MFSD8: variants seen among roughly 807,000 people sequenced by gnomAD.
The protein encoded by MFSD8 is major facilitator superfamily domain-containing protein 8.
In MFSD8, 55 loss-of-function variants were observed where a neutral mutation model predicts 66.4. The ratio of observed to expected loss-of-function variants is 0.83; its 90% CI spans 0.67 to 1.04. MFSD8 has a LOEUF of 1.04. MFSD8 is among the 50% of genes least tolerant of loss of function. The pLI is 0.00. For missense variants in MFSD8, 550 were observed against 627.6 expected (o/e 0.88, Z 1.32); for synonymous variants, 202 against 212.8 (o/e 0.95, Z 0.44).
chr4:127,954,295 T>C (rs1297973772), intron 2 of MFSD8, among the ~76,000 whole-genome samples: 1 of 151,600 alleles, frequency 6.6e-6, no homozygotes, highest in African/African-American at 2.4e-5. Flanking sequence ...TTTATCAATA[T>C]AAAAATAAGT....
At chr4:127,949,970 G>A in intron 2 of MFSD8, 123 bp from the exon 3 acceptor site, 1 of 742,752 alleles carries the variant, frequency 1.3e-6, no homozygotes. Flanking sequence ...GCATACAAAT[G>A]CCTAATTTAT....
chr4:127,940,288 C>T (rs1739946631), intron 5 of MFSD8, among the ~76,000 whole-genome samples: 1 of 151,788 alleles, frequency 6.6e-6, no homozygotes, highest in African/African-American at 2.4e-5. Flanking sequence ...CCGAAAAAGG[C>T]TCCTTAGGGA....
chr4:127,939,087 T>A (rs1041153536), intron 6 of MFSD8: 11 of 302,490 alleles, frequency 3.6e-5, no homozygotes, highest in Middle Eastern at 9.5e-4. Flanking sequence ...ATGATCTACT[T>A]TAGTATTTGA....
rs553359220 is a variant in MFSD8 at position 127,956,185 on chromosome 4, C to T, written c.154+1316G>A. On this transcript the variant is annotated intron_variant, in intron 2 of 11. Coordinates refer to ENST00000641686, the MANE Select transcript of MFSD8 (RefSeq NM_001371596.2). ...TGCACATCTTCAAGAAGTAGCAGAA[C>T]AAATAATTGACTGATGGCTGTAAAG... is the stretch of plus-strand genomic sequence containing the variant. 2.0e-5 allele frequency among the ~76,000 whole-genome samples: 3 copies of T among 151,406 alleles called. No homozygotes were observed. The South Asian group carries it at 6.3e-4, about 32-fold the overall frequency.
chr4:127,964,850 C>T (rs1744740295), intron 1 of MFSD8: 1 of 622,006 alleles, frequency 1.6e-6, no homozygotes. Flanking sequence ...TCTCCAGCCC[C>T]GTCACTCGAA....
chr4:127,954,357 T>A (rs942415351), intron 2 of MFSD8, among the ~76,000 whole-genome samples: 2 of 152,190 alleles, frequency 1.3e-5, no homozygotes, highest in Admixed American at 6.5e-5. Context: ...GGCTCATGCC[T>A]GTAATCCCAG....
intron 9 of MFSD8, among the ~76,000 whole-genome samples, chr4:127,923,579 ATTAT>A (rs1331399613): frequency 2.8e-5 from 4 of 144,936 alleles, no homozygotes; most frequent in Non-Finnish European, 4.5e-5. Context: ...TATTATTATT[ATTAT>A]TATTATTATT....
At chr4:127,926,090 T>TG (rs1431838716) in intron 9 of MFSD8, among the ~76,000 whole-genome samples, 1 of 150,056 alleles carries the variant, frequency 6.7e-6, no homozygotes, top group Non-Finnish European at 1.5e-5. Flanking sequence ...TATTGCGGGG[T>TG]GGGGGGCTAG....
intron 1 of MFSD8, among the ~76,000 whole-genome samples, chr4:127,959,230 T>C (rs867083232): frequency 5.2e-4 from 79 of 152,264 alleles, no homozygotes; most frequent in Middle Eastern, 6.8e-3. Context: ...AAATCCAGAA[T>C]ATTAGATGTT....
rs1317743872 is a variant in MFSD8 at position 127,918,823 on chromosome 4, G to A, written c.*1807C>T. ...GTATGTTACACATTACCTGGAATGTGGAAAGCACTCCACAAATTTTGCTCT... is the reference window on the plus strand; with the variant it reads ...GTATGTTACACATTACCTGGAATGTAGAAAGCACTCCACAAATTTTGCTCT... On this transcript the variant is annotated 3_prime_UTR_variant, in exon 12 of 12. Transcript: ENST00000641686. 1 of 152,136 alleles carries A rather than the reference G, an allele frequency of 6.6e-6. No individual in the cohort carries two copies. Among genetic ancestry groups the A allele is most frequent in the Admixed American group, 6.5e-5 (1 of 15,270 alleles). 9.4% of individuals were successfully genotyped at this position (152,136 alleles called of 1,614,324 possible).
In MFSD8 at chr4:127,919,451, G is replaced by A. The variant is rs1163261646; in HGVS notation, c.*1179C>T. The A allele has an allele frequency of 6.6e-6, 1 of 152,180 alleles. No individual in the cohort carries two copies. The highest frequency in any genetic ancestry group is 1.5e-5 in the Non-Finnish European group (1 of 68,026). The allele number at this position is 152,180 out of a possible 1,614,324, so 9.4% of individuals were successfully genotyped here. ...AATATTTTTGCATTTTCTTAACAGT[G>A]CTTATCAATATACATAGTTATCTAC... On this transcript the variant is annotated 3_prime_UTR_variant, in exon 12 of 12. Transcript: ENST00000641686.
At chr4:127,963,929 C>A (rs932682230) in intron 1 of MFSD8, among the ~76,000 whole-genome samples, 5 of 152,134 alleles carry the variant, frequency 3.3e-5, no homozygotes, top group Non-Finnish European at 5.9e-5. Flanking sequence ...AGGTTCTCCA[C>A]GTCCCCACTA....
intron 2 of MFSD8, among the ~76,000 whole-genome samples, chr4:127,953,425 T>C (rs1229928214): frequency 2.0e-5 from 3 of 149,888 alleles, no homozygotes; most frequent in Admixed American, 6.7e-5. Context: ...GAGGCTGAGG[T>C]TGCAGTGAGC....
In MFSD8 at chr4:127,945,030, C is replaced by T. The variant is rs141192336; in HGVS notation, c.199-1038G>A. On this transcript the variant is annotated intron_variant, in intron 3 of 11. Coordinates refer to ENST00000641686, the MANE Select transcript of MFSD8 (RefSeq NM_001371596.2). ...TTCATATGTGGTAGGCTAAGCCAGG[C>T]GAAGTGGCCCATGCCTGTAATCTCA... Among the ~76,000 whole-genome samples the T allele has an allele frequency of 2.6e-3, 399 of 152,196 alleles. 3 individuals are homozygous for T. The highest frequency in any genetic ancestry group is 9.1e-3 in the African/African-American group (377 of 41,528).
intron 1 of MFSD8, among the ~76,000 whole-genome samples, chr4:127,964,174 C>G (rs1181368515): frequency 6.6e-6 from 1 of 152,274 alleles, no homozygotes; most frequent in Non-Finnish European, 1.5e-5. Context: ...GCTGGCTTCG[C>G]CCAGTGGATC....
At chr4:127,948,152 T>C (rs1041351520) in intron 3 of MFSD8, among the ~76,000 whole-genome samples, 2 of 152,094 alleles carry the variant, frequency 1.3e-5, no homozygotes, top group Non-Finnish European at 2.9e-5. Flanking sequence ...ATTAGGTAGC[T>C]AGTTGGGTAT....
chr4:127,964,874 C>T, intron 1 of MFSD8, 198 bp downstream of exon 1: 1 of 679,178 alleles, frequency 1.5e-6, no homozygotes, highest in South Asian at 1.7e-5. Flanking sequence ...ACGGGCTCAT[C>T]ACCGCACGGT....
At chr4:127,923,807 T>TC (rs112750199) in intron 9 of MFSD8, among the ~76,000 whole-genome samples, 9,884 of 151,850 alleles carry the variant, frequency 0.065, 648 homozygotes, top group East Asian at 0.26. Flanking sequence ...GGTCTCGACC[T>TC]CTGACCTCGT....
Position 127,921,774 on chromosome 4 carries a change from G to A in MFSD8, c.1103-3C>T, listed in dbSNP as rs375728437. The A allele has an allele frequency of 4.3e-6, 7 of 1,613,978 alleles. No individual in the cohort carries two copies. The highest frequency in any genetic ancestry group is 5.9e-6 in the Non-Finnish European group (7 of 1,180,006). Reference sequence around the variant, plus strand: ...AGGGATTGAATTATTGTGCAAATCTGTAAAAACAAAACCATTGCAGTGCAT... The same window carrying A: ...AGGGATTGAATTATTGTGCAAATCTATAAAAACAAAACCATTGCAGTGCAT... On this transcript the variant is annotated splice_polypyrimidine_tract_variant and splice_region_variant and intron_variant, in intron 10 of 11. Coordinates refer to ENST00000641686, the MANE Select transcript of MFSD8 (RefSeq NM_001371596.2).
Sources: allele counts gnomAD v4.1 joint callset (sites outside exome capture counted in the v4.1 genomes callset), GRCh38; gene constraint gnomAD v4.1.1; transcripts MANE v1.5; gene names NCBI Gene and HGNC (gene_info 2026-07-23, HGNC 2026-07-21).